The following GAB1 variants were observed in gnomAD, a reference collection of about 807,000 sequenced individuals.
GAB1 encodes GRB2-associated-binding protein 1.
In GAB1, 19 loss-of-function variants were observed where a neutral mutation model predicts 66.5. The ratio of observed to expected loss-of-function variants is 0.29; its 90% CI spans 0.20 to 0.42. The LOEUF (loss-of-function observed/expected upper bound fraction) is 0.42, where lower values mean the gene tolerates loss of function less well. Ranked by LOEUF, GAB1 falls within the 10% of genes least tolerant of loss-of-function variation. The probability of loss-of-function intolerance (pLI) is 1.00; values close to 1 mark genes in which losing one functional copy is unlikely to be tolerated. For missense variants in GAB1, 732 were observed against 858.5 expected, an observed-to-expected ratio of 0.85 and a Z score of 1.84; for synonymous variants, 294 against 301.4, an observed-to-expected ratio of 0.98 and a Z score of 0.25.
At chr4:143,348,782 T>C (rs956888618) in intron 1 of GAB1, among the ~76,000 whole-genome samples, 5 of 152,172 alleles carry the variant, frequency 3.3e-5, no homozygotes, top group Non-Finnish European at 7.4e-5. Flanking sequence ...CATCCAGTAG[T>C]GTTTGTTGCT....
At chr4:143,418,587 T>C (rs1253897048) in intron 2 of GAB1, among the ~76,000 whole-genome samples, 3 of 152,194 alleles carry the variant, frequency 2.0e-5, no homozygotes, top group Non-Finnish European at 4.4e-5. Flanking sequence ...TAGAATTTGT[T>C]TGGGGGGACA....
At chr4:143,445,824 G>A (rs1734485085) in intron 6 of GAB1, among the ~76,000 whole-genome samples, 2 of 151,932 alleles carry the variant, frequency 1.3e-5, no homozygotes, top group South Asian at 4.2e-4. Flanking sequence ...TTAAGTTTTA[G>A]GGTACATGTG....
intron 1 of GAB1, among the ~76,000 whole-genome samples, chr4:143,403,919 G>T (rs1731908008): frequency 6.6e-6 from 1 of 152,138 alleles, no homozygotes; most frequent in African/African-American, 2.4e-5. Context: ...AGAAGAAAAT[G>T]ATATTTAAGC....
At chr4:143,421,698 CT>C (rs70953733) in intron 2 of GAB1, among the ~76,000 whole-genome samples, 16,568 of 118,766 alleles carry the variant, frequency 0.14, 2,193 homozygotes, top group African/African-American at 0.38. Flanking sequence ...CTTTTCTTTT[CT>C]TTTTTTTTTT....
intron 1 of GAB1, among the ~76,000 whole-genome samples, chr4:143,405,517 A>G (rs1212437489): frequency 2.6e-5 from 4 of 152,198 alleles, no homozygotes; most frequent in Non-Finnish European, 5.9e-5. Context: ...TGTATCATCC[A>G]TTATACCTGA....
chr4:143,456,224 A>G (rs961250731), intron 6 of GAB1, among the ~76,000 whole-genome samples: 1 of 152,148 alleles, frequency 6.6e-6, no homozygotes, highest in Admixed American at 6.5e-5. Context: ...TTGGGAGGCC[A>G]AGGCGGGTGG....
chr4:143,407,488 AT>A (rs1424396507), intron 1 of GAB1, among the ~76,000 whole-genome samples: 2 of 152,116 alleles, frequency 1.3e-5, no homozygotes, highest in Non-Finnish European at 2.9e-5. Context: ...TATCCAGGCA[AT>A]GTACGTAAAC....
chr4:143,393,450 T>C (rs1190883929), intron 1 of GAB1, among the ~76,000 whole-genome samples: 1 of 152,158 alleles, frequency 6.6e-6, no homozygotes, highest in African/African-American at 2.4e-5. Context: ...CCTAGTCAAG[T>C]TACTTAATGT....
chr4:143,422,334 C>CA (rs887680058), intron 2 of GAB1, among the ~76,000 whole-genome samples: 6 of 151,860 alleles, frequency 4.0e-5, no homozygotes, highest in Non-Finnish European at 7.4e-5. Context: ...CACTAGAAAC[C>CA]AAAAAAATTA....
At chr4:143,351,450 C>T (rs1421935542) in intron 1 of GAB1, among the ~76,000 whole-genome samples, 2 of 152,130 alleles carry the variant, frequency 1.3e-5, no homozygotes, top group African/African-American at 4.8e-5. Context: ...CTCCCGCCAA[C>T]GAGTTCGTCA....
chr4:143,440,592 C>G (rs17017781), intron 6 of GAB1, among the ~76,000 whole-genome samples: 6,212 of 152,206 alleles, frequency 0.041, 412 homozygotes, highest in African/African-American at 0.14. Context: ...ATTTATAAGT[C>G]TCCTATCTCT....
intron 8 of GAB1, among the ~76,000 whole-genome samples, chr4:143,465,699 T>A (rs1019185481): frequency 2.0e-5 from 3 of 152,198 alleles, no homozygotes; most frequent in Non-Finnish European, 2.9e-5. Context: ...ACTTAGCCAA[T>A]GGAGTCAAAC....
chr4:143,389,914 A>T (rs959086291), intron 1 of GAB1, among the ~76,000 whole-genome samples: 3 of 152,158 alleles, frequency 2.0e-5, no homozygotes, highest in African/African-American at 7.2e-5. Context: ...CCTTCAATAC[A>T]TGCCTCACTG....
intron 1 of GAB1, among the ~76,000 whole-genome samples, chr4:143,389,504 C>G (rs1377387799): frequency 1.3e-5 from 2 of 152,206 alleles, no homozygotes; most frequent in African/African-American, 4.8e-5. Context: ...TGCTTCCAGA[C>G]CCCTCTGACC....
intron 6 of GAB1, among the ~76,000 whole-genome samples, chr4:143,443,311 C>T (rs556341682): frequency 9.2e-5 from 14 of 152,156 alleles, no homozygotes; most frequent in African/African-American, 3.4e-4. Flanking sequence ...CCACTGTGCC[C>T]GGCCTGTACT....
At chr4:143,351,920 T>C (rs930884468) in intron 1 of GAB1, among the ~76,000 whole-genome samples, 11 of 152,354 alleles carry the variant, frequency 7.2e-5, no homozygotes, top group African/African-American at 2.6e-4. Context: ...TCATTTAGTA[T>C]ATTTCCCTAT....
At position 143,467,157 on chromosome 4, in the gene GAB1, T is replaced by G. The variant is rs141506818; in HGVS notation, c.1926+932T>G. On this transcript the variant is annotated intron_variant, in intron 9 of 9. Coordinates refer to ENST00000262994, the MANE Select transcript of GAB1 (RefSeq NM_002039.4). ...CTTGGAAACACAGTTTTCTTGAGTT[T>G]ACAGTTCTTGATCAACAATAATTTT... Among the ~76,000 whole-genome samples, 269 of 152,336 alleles carry G rather than the reference T, an allele frequency of 1.8e-3. 2 individuals carry two copies. Among genetic ancestry groups the G allele is most frequent in the African/African-American group, 6.4e-3 (266 of 41,582 alleles).
At chr4:143,402,253 C>G (rs756059841) in intron 1 of GAB1, among the ~76,000 whole-genome samples, 4 of 152,132 alleles carry the variant, frequency 2.6e-5, no homozygotes, top group Non-Finnish European at 5.9e-5. Context: ...TATAACTGCC[C>G]TAGGCGATCC....
chr4:143,420,252 T>A (rs1173855923), intron 2 of GAB1, among the ~76,000 whole-genome samples: 1 of 152,056 alleles, frequency 6.6e-6, no homozygotes, highest in Non-Finnish European at 1.5e-5. Flanking sequence ...CTATGCTAAT[T>A]TCAGACTAGA....
Sources: allele counts gnomAD v4.1 joint callset (sites outside exome capture counted in the v4.1 genomes callset), GRCh38; gene constraint gnomAD v4.1.1; transcripts MANE v1.5; gene names NCBI Gene and HGNC (gene_info 2026-07-23, HGNC 2026-07-21).